KIAA0319L: variants seen among roughly 807,000 people sequenced by gnomAD.
The protein encoded by KIAA0319L is dyslexia-associated protein KIAA0319-like protein.
In KIAA0319L, 55 loss-of-function variants were observed where a neutral mutation model predicts 120.1. The ratio of observed to expected loss-of-function variants is 0.46; its 90% CI spans 0.37 to 0.57. The LOEUF (loss-of-function observed/expected upper bound fraction) is 0.57. Among genes scored for constraint, KIAA0319L ranks in the 20% least tolerant of loss-of-function variants. KIAA0319L has a pLI of 0.00. For synonymous variants in KIAA0319L, 398 were observed against 471.9 expected (o/e 0.84, Z 2.03); for missense variants, 1,049 against 1,255.3 (o/e 0.84, Z 2.48).
At chr1:35,448,026 C>T in intron 16 of KIAA0319L, 147 bp downstream of exon 16, 1 of 757,022 alleles carries the variant, frequency 1.3e-6, no homozygotes, top group Non-Finnish European at 2.2e-6. Context: ...CACTAGAAGA[C>T]AGAAGTCTAT....
chr1:35,477,666 C>CAAAAAAA (rs34588440), intron 4 of KIAA0319L, among the ~76,000 whole-genome samples: 3 of 55,660 alleles, frequency 5.4e-5, no homozygotes, highest in African/African-American at 1.0e-4. Context: ...GACTCTGTCT[C>CAAAAAAA]AAAAAAAAAA....
chr1:35,440,936 G>C (rs1641162833), intron 20 of KIAA0319L, 111 bp downstream of exon 20: 1 of 879,272 alleles, frequency 1.1e-6, no homozygotes, highest in Non-Finnish European at 1.9e-6. Flanking sequence ...GGAACAAAAT[G>C]CTTTGCAAGC....
At chr1:35,454,668 G>GAAA in intron 10 of KIAA0319L, 183 bp from the exon 11 acceptor site, 1 of 1,379,134 alleles carries the variant, frequency 7.3e-7, no homozygotes. Context: ...CCTTGCTAAG[G>GAAA]GTTTCCCCCT....
At chr1:35,502,024 G>C (rs1645025165) in intron 3 of KIAA0319L, among the ~76,000 whole-genome samples, 1 of 150,982 alleles carries the variant, frequency 6.6e-6, no homozygotes. Flanking sequence ...CATGCCTGTA[G>C]TCCCAGCACT....
At chr1:35,442,192 G>A (rs1353418744) in intron 19 of KIAA0319L, 54 bp downstream of exon 19, 1 of 1,354,806 alleles carries the variant, frequency 7.4e-7, no homozygotes, top group African/African-American at 1.4e-5. Flanking sequence ...CCTCTCTGAG[G>A]AACGAATGTA....
intron 9 of KIAA0319L, among the ~76,000 whole-genome samples, chr1:35,459,765 A>G (rs1051399314): frequency 6.6e-6 from 1 of 152,198 alleles, no homozygotes; most frequent in Non-Finnish European, 1.5e-5. Flanking sequence ...CGCAAACATA[A>G]GGAGGATTAC....
At chr1:35,497,347 A>G (rs1440291078) in intron 3 of KIAA0319L, among the ~76,000 whole-genome samples, 1 of 152,246 alleles carries the variant, frequency 6.6e-6, no homozygotes, top group Non-Finnish European at 1.5e-5. Flanking sequence ...GTTTCCTTAT[A>G]TAAATTATAC....
intron 3 of KIAA0319L, among the ~76,000 whole-genome samples, chr1:35,494,712 G>A (rs1644734186): frequency 6.6e-6 from 1 of 151,966 alleles, no homozygotes; most frequent in African/African-American, 2.4e-5. Context: ...TTGGGAGGCT[G>A]AAGTGGGAGA....
chr1:35,480,906 A>G (rs1251354110), intron 3 of KIAA0319L, among the ~76,000 whole-genome samples: 1 of 152,138 alleles, frequency 6.6e-6, no homozygotes. Flanking sequence ...GAGAGAGAAC[A>G]TTTCTATCAG....
chr1:35,535,092 G>A (rs552608910), intron 2 of KIAA0319L, among the ~76,000 whole-genome samples: 8 of 92,136 alleles, frequency 8.7e-5, no homozygotes, highest in African/African-American at 1.8e-4. Flanking sequence ...GCAAGACTCC[G>A]TCTTAAAAAA....
At position 35,441,062 on chromosome 1, in the gene KIAA0319L, G is replaced by A; in HGVS notation, c.2947C>T (p.Pro983Ser). 1.9e-6 allele frequency: 3 copies of A among 1,614,130 alleles called. No homozygotes were observed. The highest frequency in any genetic ancestry group is 2.5e-6 in the Non-Finnish European group (3 of 1,179,972). The change falls in exon 20 of 21, where the codon CCA becomes TCA. Residue 983 changes from proline to serine, a missense_variant. Transcript: ENST00000325722. ...ATDQESLELKPTSRAGIKQKG... is the reference protein window; with the variant it reads ...ATDQESLELKSTSRAGIKQKG... ...GGGCCCCTACCTGCTCGGGAGGTTGGCTTCAGCTCCAGGCTTTCCTGATCC... is the reference window on the plus strand; with the variant it reads ...GGGCCCCTACCTGCTCGGGAGGTTGACTTCAGCTCCAGGCTTTCCTGATCC...
chr1:35,557,564 G>A (rs1241333127), upstream of KIAA0319L: 1 of 408,600 alleles, frequency 2.4e-6, no homozygotes, highest in South Asian at 1.8e-5. Context: ...GAAGGAATCT[G>A]GGCCCCCAGC....
In KIAA0319L at chr1:35,466,708, G is replaced by A. The variant is rs1643287664; in HGVS notation, c.1114-13C>T. ...GGCCTGGAGTGAGCTGCAGAAGTGA[G>A]AGAAGATCTCTTAGACAATCACAAA... On this transcript the variant is annotated splice_polypyrimidine_tract_variant and intron_variant, in intron 6 of 20. Coordinates refer to ENST00000325722, the MANE Select transcript of KIAA0319L (RefSeq NM_024874.5). The A allele has an allele frequency of 2.6e-6, 4 of 1,560,778 alleles. No homozygotes were observed. The highest frequency in any genetic ancestry group is 3.5e-6 in the Non-Finnish European group (4 of 1,131,800).
At chr1:35,493,405 AG>A (rs34911148) in intron 3 of KIAA0319L, among the ~76,000 whole-genome samples, 1,887 of 152,072 alleles carry the variant, frequency 0.012, 49 homozygotes, top group African/African-American at 0.04. Context: ...CTGTTGGAGG[AG>A]GAGGTGCAAA....
intron 2 of KIAA0319L, among the ~76,000 whole-genome samples, chr1:35,549,307 CA>C (rs1422589947): frequency 2.0e-5 from 3 of 152,130 alleles, no homozygotes; most frequent in Non-Finnish European, 4.4e-5. Flanking sequence ...CTCAGCCTCT[CA>C]AAGTGCTAGG....
intron 2 of KIAA0319L, among the ~76,000 whole-genome samples, chr1:35,527,797 G>C (rs1484661281): frequency 6.6e-6 from 1 of 151,540 alleles, no homozygotes; most frequent in Non-Finnish European, 1.5e-5. Context: ...CTAGCTAGTG[G>C]TTTATTGATT....
chr1:35,475,853 T>G (rs780503329), intron 4 of KIAA0319L, among the ~76,000 whole-genome samples: 1 of 152,212 alleles, frequency 6.6e-6, no homozygotes, highest in East Asian at 1.9e-4. Flanking sequence ...CACTGTCTTA[T>G]CCTTCCTATC....
chr1:35,542,905 T>C lies in KIAA0319L; in HGVS notation c.142+11445A>G, dbSNP rs1306035005. Among the ~76,000 whole-genome samples, 5 of 152,258 alleles carry C rather than the reference T, an allele frequency of 3.3e-5. No homozygotes were observed. In the South Asian group the frequency reaches 1.0e-3, roughly 31 times the overall value. On this transcript the variant is annotated intron_variant, in intron 2 of 20. Transcript: ENST00000325722. ...TGAGGAGAATAAATTTAAGATAGTT[T>C]TTAAATTGAGTTGGATTTACTGCCC...
chr1:35,451,672 C>T lies in KIAA0319L; in HGVS notation c.2018G>A (p.Arg673Lys), dbSNP rs766966340. ...CACAGAGCTCTGGCTTTGCAGGTTC[C>T]TCTCATCTTTGACAGTCAAGGTGAA... ...YVFTLTVKDE[R>K]NLQSQSSVNV... Residue 673 changes from arginine (R) to lysine (K), a missense_variant, in exon 13 of 21, where the codon AGG becomes AAG. Coordinates refer to ENST00000325722, the MANE Select transcript of KIAA0319L (RefSeq NM_024874.5). 6.2e-6 allele frequency: 10 copies of T among 1,614,016 alleles called. No individual in the cohort carries two copies. Among genetic ancestry groups the T allele is most frequent in the Admixed American group, 3.3e-5 (2 of 59,980 alleles).
Sources: allele counts gnomAD v4.1 joint callset (sites outside exome capture counted in the v4.1 genomes callset), GRCh38; gene constraint gnomAD v4.1.1; transcripts MANE v1.5; gene names NCBI Gene and HGNC (gene_info 2026-07-23, HGNC 2026-07-21).